The following RAB3GAP2 variants were observed in gnomAD, a reference collection of about 807,000 sequenced individuals.
RAB3GAP2 encodes rab3 GTPase-activating protein non-catalytic subunit.
Under a neutral mutation model 185.3 loss-of-function variants are expected in RAB3GAP2, and 87 were observed. The ratio of observed to expected loss-of-function variants is 0.47; its 90% CI spans 0.39 to 0.56. The LOEUF (loss-of-function observed/expected upper bound fraction) is 0.56. RAB3GAP2 is among the 20% of genes least tolerant of loss of function. The probability of loss-of-function intolerance (pLI) is 0.00; values close to 1 mark genes in which losing one functional copy is unlikely to be tolerated. For missense variants in RAB3GAP2, 1,492 were observed against 1,638.2 expected, an observed-to-expected ratio of 0.91 and a Z score of 1.54; for synonymous variants, 554 against 576.1, an observed-to-expected ratio of 0.96 and a Z score of 0.55.
At chr1:220,153,867 T>C in intron 32 of RAB3GAP2, 101 bp downstream of exon 32, 1 of 1,523,040 alleles carries the variant, frequency 6.6e-7, no homozygotes, top group Admixed American at 1.8e-5. Flanking sequence ...TTTTCTGTCC[T>C]TGCGATAGAA....
At chr1:220,236,502 A>G (rs111289643) in intron 1 of RAB3GAP2, among the ~76,000 whole-genome samples, 230 of 152,284 alleles carry the variant, frequency 1.5e-3, no homozygotes, top group African/African-American at 5.3e-3. Flanking sequence ...ACTCAGTGCC[A>G]GTGATTTAAT....
rs111976509 is a variant in RAB3GAP2, at chr1:220,266,660, T to A, written c.115+5563A>T. On this transcript the variant is annotated intron_variant, in intron 1 of 34. Transcript: ENST00000358951. The stretch of plus-strand genomic sequence containing the variant: ...TTTTGGTAGCATGTTCCTGAGAGGT[T>A]ATACAGCAGCCCTGGCTCAAGGATT... 77 of 1,485,080 alleles carry A rather than the reference T, an allele frequency of 5.2e-5. No homozygotes were observed. The African/African-American group carries it at 8.9e-4, about 17-fold the overall frequency. 92.0% of individuals were successfully genotyped at this position (1,485,080 alleles called of 1,614,324 possible).
At chr1:220,228,129 T>C (rs1334471064) in intron 2 of RAB3GAP2, among the ~76,000 whole-genome samples, 1 of 152,194 alleles carries the variant, frequency 6.6e-6, no homozygotes, top group East Asian at 1.9e-4. Flanking sequence ...CTTCCAAACC[T>C]GGTTCCTTCT....
chr1:220,173,697 C>T (rs1455331322), intron 21 of RAB3GAP2, among the ~76,000 whole-genome samples: 3 of 152,082 alleles, frequency 2.0e-5, no homozygotes, highest in African/African-American at 7.2e-5. Flanking sequence ...ATGAAATAAG[C>T]TCATACGGGA....
intron 1 of RAB3GAP2, among the ~76,000 whole-genome samples, chr1:220,249,808 G>A (rs984796327): frequency 2.6e-5 from 4 of 152,218 alleles, no homozygotes; most frequent in Non-Finnish European, 4.4e-5. Flanking sequence ...CATTGCTTCA[G>A]AGGGTGCAAG....
At chr1:220,202,451 C>T (rs1389277292) in intron 8 of RAB3GAP2, 77 bp from the exon 9 acceptor site, 10 of 1,435,216 alleles carry the variant, frequency 7.0e-6, no homozygotes, top group Non-Finnish European at 6.8e-6. Context: ...TAAAACCATA[C>T]TAATTTGTTA....
rs535694282 is a variant in RAB3GAP2, at chr1:220,160,712, AC to A, written c.3226-1292del. Among the ~76,000 whole-genome samples the A allele has an allele frequency of 6.0e-3, 915 of 152,094 alleles. 3 individuals are homozygous for A. Among genetic ancestry groups the A allele is most frequent in the Non-Finnish European group, 0.01 (713 of 67,994 alleles). ...GACTGCTGGGATATACTTTCCTCTC[AC>A]CTACTTTTTACTGGTATATATATAG... On this transcript the variant is annotated intron_variant, in intron 28 of 34. Transcript: ENST00000358951.
At chr1:220,214,480 C>T (rs749376821) in intron 2 of RAB3GAP2, among the ~76,000 whole-genome samples, 7 of 151,468 alleles carry the variant, frequency 4.6e-5, no homozygotes, top group Non-Finnish European at 1.0e-4. Flanking sequence ...GAGCTGAGAT[C>T]GCACCACTAC....
intron 1 of RAB3GAP2, among the ~76,000 whole-genome samples, chr1:220,237,672 G>A (rs1322462333): frequency 1.3e-5 from 2 of 152,148 alleles, no homozygotes; most frequent in Non-Finnish European, 2.9e-5. Flanking sequence ...GAGGCAGATG[G>A]TGCATGCATG....
At chr1:220,223,114 C>A (rs1237429852) in intron 2 of RAB3GAP2, among the ~76,000 whole-genome samples, 12 of 152,182 alleles carry the variant, frequency 7.9e-5, no homozygotes, top group Admixed American at 7.9e-4. Context: ...ATGGTGCAAT[C>A]ACAGCTCACT....
intron 24 of RAB3GAP2, among the ~76,000 whole-genome samples, chr1:220,170,267 G>T (rs537962591): frequency 5.9e-5 from 9 of 152,152 alleles, no homozygotes; most frequent in African/African-American, 2.2e-4. Flanking sequence ...GGGCCTGTGG[G>T]GGATTGCGGG....
intron 33 of RAB3GAP2, 36 bp downstream of exon 33, chr1:220,153,149 C>G: frequency 6.7e-7 from 1 of 1,490,598 alleles, no homozygotes; most frequent in South Asian, 1.1e-5. Flanking sequence ...AATTTTATAA[C>G]TTGAGCCCAA....
chr1:220,209,820 C>T (rs1156687119), intron 7 of RAB3GAP2, among the ~76,000 whole-genome samples: 1 of 152,114 alleles, frequency 6.6e-6, no homozygotes, highest in African/African-American at 2.4e-5. Flanking sequence ...GTTTAAATGG[C>T]CCTACAATTA....
rs565526022 is a variant in RAB3GAP2, at chr1:220,194,015, A to G, written c.1131-636T>C. Among the ~76,000 whole-genome samples the G allele has an allele frequency of 7.2e-5, 11 of 152,200 alleles. No individual in the cohort carries two copies. The South Asian group carries it at 8.3e-4, about 11-fold the overall frequency. ...CATGTGACTAATTTATTGACTCTTG[A>G]TATTAGGAAATGTGATATGTTACAA... On this transcript the variant is annotated intron_variant, in intron 12 of 34. Coordinates refer to ENST00000358951, the MANE Select transcript of RAB3GAP2 (RefSeq NM_012414.4).
At chr1:220,249,803 C>T (rs2102521160) in intron 1 of RAB3GAP2, among the ~76,000 whole-genome samples, 1 of 152,326 alleles carries the variant, frequency 6.6e-6, no homozygotes, top group East Asian at 1.9e-4. Flanking sequence ...TAGGCCATTG[C>T]TTCAGAGGGT....
At chr1:220,193,192 G>A in intron 13 of RAB3GAP2, 48 bp downstream of exon 13, 2 of 1,600,310 alleles carry the variant, frequency 1.2e-6, no homozygotes, top group Non-Finnish European at 1.7e-6. Context: ...CTCAACTATT[G>A]GGGTAAAAAG....
intron 33 of RAB3GAP2, 99 bp from the exon 34 acceptor site, chr1:220,151,863 T>C: frequency 3.2e-6 from 4 of 1,267,438 alleles, no homozygotes; most frequent in Non-Finnish European, 3.4e-6. Context: ...AGTTGATTTT[T>C]GAACTGTGGC....
intron 31 of RAB3GAP2, among the ~76,000 whole-genome samples, chr1:220,155,210 C>T (rs893895969): frequency 4.6e-5 from 7 of 152,192 alleles, no homozygotes; most frequent in African/African-American, 1.7e-4. Context: ...TAGTCCAAGG[C>T]TCACCACTTC....
At chr1:220,215,287 A>G (rs1183426529) in intron 2 of RAB3GAP2, among the ~76,000 whole-genome samples, 4 of 152,132 alleles carry the variant, frequency 2.6e-5, no homozygotes, top group African/African-American at 9.7e-5. Context: ...GAATATTCCC[A>G]AACTGTGCCC....
Sources: allele counts gnomAD v4.1 joint callset (sites outside exome capture counted in the v4.1 genomes callset), GRCh38; gene constraint gnomAD v4.1.1; transcripts MANE v1.5; gene names NCBI Gene and HGNC (gene_info 2026-07-23, HGNC 2026-07-21).